Variants in PRKG1 observed in about 807,000 individuals in gnomAD.
PRKG1 encodes the protein protein kinase cGMP-dependent 1, also known as cGMP-dependent protein kinase 1.
PRKG1 carries 35 observed loss-of-function variants against 88.1 expected under a neutral mutation model. The ratio of observed to expected loss-of-function variants is 0.40; its 90% CI spans 0.30 to 0.53. The LOEUF (loss-of-function observed/expected upper bound fraction) is 0.53. Ranked by LOEUF, PRKG1 falls within the 20% of genes least tolerant of loss-of-function variation. The pLI is 0.59. For missense variants in PRKG1, 540 were observed against 839.8 expected, an observed-to-expected ratio of 0.64 and a Z score of 4.41; for synonymous variants, 303 against 292.5, an observed-to-expected ratio of 1.04 and a Z score of -0.37.
intron 1 of PRKG1, among the ~76,000 whole-genome samples, chr10:50,993,702 G>A (rs1426764930): frequency 1.3e-5 from 2 of 152,240 alleles, no homozygotes; most frequent in African/African-American, 4.8e-5. Flanking sequence ...TTTGCAGCAG[G>A]GAGGAGATTT....
chr10:51,911,763 A>G (rs2132956129), intron 5 of PRKG1, among the ~76,000 whole-genome samples: 2 of 152,328 alleles, frequency 1.3e-5, no homozygotes, highest in South Asian at 4.1e-4. Context: ...GCAATACTGA[A>G]GTCACATAAC....
At chr10:51,895,877 G>C (rs1442935441) in intron 4 of PRKG1, among the ~76,000 whole-genome samples, 1 of 152,026 alleles carries the variant, frequency 6.6e-6, no homozygotes, top group East Asian at 1.9e-4. Context: ...ATTGCCTAGA[G>C]AGGTTGACCT....
At chr10:51,001,046 G>A (rs1842883589) in intron 1 of PRKG1, among the ~76,000 whole-genome samples, 1 of 152,194 alleles carries the variant, frequency 6.6e-6, no homozygotes, top group South Asian at 2.1e-4. Context: ...TTGCTTTGAG[G>A]ATAAGTCATT....
At chr10:51,065,924 A>G (rs1413410194) in intron 1 of PRKG1, among the ~76,000 whole-genome samples, 1 of 152,108 alleles carries the variant, frequency 6.6e-6, no homozygotes, top group Non-Finnish European at 1.5e-5. Context: ...AGAAGGGAAA[A>G]CATTATGGGG....
intron 3 of PRKG1, among the ~76,000 whole-genome samples, chr10:51,717,737 C>T (rs1841919355): frequency 1.3e-5 from 2 of 151,552 alleles, no homozygotes; most frequent in South Asian, 4.2e-4. Flanking sequence ...GAGGCTGAGG[C>T]TGGAGAATGG....
chr10:51,181,224 ATTTTTTTTT>A (rs1223588085), intron 2 of PRKG1, among the ~76,000 whole-genome samples: 12 of 78,288 alleles, frequency 1.5e-4, no homozygotes, highest in South Asian at 5.1e-4. Flanking sequence ...ATTATATAGA[ATTTTTTTTT>A]TTTTTTTTTT....
intron 2 of PRKG1, among the ~76,000 whole-genome samples, chr10:51,277,863 T>C (rs1840170650): frequency 6.6e-6 from 1 of 152,198 alleles, no homozygotes; most frequent in South Asian, 2.1e-4. Context: ...GCTGAGATGA[T>C]GGGGTTTTCT....
chr10:51,578,063 G>A (rs1589100674), intron 3 of PRKG1, among the ~76,000 whole-genome samples: 1 of 152,064 alleles, frequency 6.6e-6, no homozygotes, highest in Non-Finnish European at 1.5e-5. Flanking sequence ...AGGCTTGTAA[G>A]TTGTAGTCTA....
intron 2 of PRKG1, among the ~76,000 whole-genome samples, chr10:51,179,573 T>A (rs1056462965): frequency 6.6e-6 from 1 of 152,194 alleles, no homozygotes; most frequent in African/African-American, 2.4e-5. Context: ...GGCTGAAAGT[T>A]TTTGATTTTA....
intron 1 of PRKG1, among the ~76,000 whole-genome samples, chr10:51,152,042 T>C (rs1846086482): frequency 6.6e-6 from 1 of 152,078 alleles, no homozygotes; most frequent in African/African-American, 2.4e-5. Flanking sequence ...GCTAAGTTCT[T>C]TGCTTTCATC....
At chr10:52,085,455 T>C (rs1846888702) in intron 7 of PRKG1, among the ~76,000 whole-genome samples, 1 of 152,268 alleles carries the variant, frequency 6.6e-6, no homozygotes, top group East Asian at 1.9e-4. Flanking sequence ...GGCTGATCAA[T>C]TACTTTGATT....
Position 51,605,524 on chromosome 10 carries a change from A to C in PRKG1, c.592+137688A>C, listed in dbSNP as rs537632190. On this transcript the variant is annotated intron_variant, in intron 3 of 17. Transcript: ENST00000373980. ...TACAAGAGTATATACACTGAATAGG[A>C]GGCAGAGAAACAAACATAATACTTT... Among the ~76,000 whole-genome samples the C allele has an allele frequency of 3.3e-5, 5 of 152,304 alleles. No homozygotes were observed. The South Asian group carries it at 1.0e-3, about 32-fold the overall frequency.
chr10:51,640,651 G>A (rs993112950), intron 3 of PRKG1, among the ~76,000 whole-genome samples: 5 of 152,044 alleles, frequency 3.3e-5, no homozygotes, highest in Non-Finnish European at 4.4e-5. Flanking sequence ...ACATTTTTAG[G>A]GTGTCTCTGG....
chr10:51,079,022 A>G (rs1051082956), intron 1 of PRKG1, among the ~76,000 whole-genome samples: 1 of 152,202 alleles, frequency 6.6e-6, no homozygotes, highest in Non-Finnish European at 1.5e-5. Flanking sequence ...ACTGTATATT[A>G]AATTCTGTTG....
intron 2 of PRKG1, among the ~76,000 whole-genome samples, chr10:51,396,849 C>T (rs1052104840): frequency 8.5e-5 from 13 of 152,106 alleles, no homozygotes; most frequent in Non-Finnish European, 1.8e-4. Flanking sequence ...CTGGGGTGAA[C>T]TGAGTGAAAC....
chr10:51,776,116 G>C (rs1309811486), intron 3 of PRKG1, among the ~76,000 whole-genome samples: 3 of 152,052 alleles, frequency 2.0e-5, no homozygotes. Flanking sequence ...AAACAACCTG[G>C]TAATGCTGGG....
intron 1 of PRKG1, among the ~76,000 whole-genome samples, chr10:51,053,449 C>G (rs564722178): frequency 1.2e-4 from 18 of 152,106 alleles, no homozygotes; most frequent in African/African-American, 4.3e-4. Context: ...ATGGTTGGCC[C>G]TTTTTAATGG....
intron 2 of PRKG1, among the ~76,000 whole-genome samples, chr10:51,411,673 C>G (rs1392623411): frequency 6.6e-6 from 1 of 152,214 alleles, no homozygotes; most frequent in Non-Finnish European, 1.5e-5. Context: ...TAACTTTGAT[C>G]TCTTTTCTGT....
chr10:51,164,916 G>A (rs952135015), intron 2 of PRKG1, among the ~76,000 whole-genome samples: 1 of 152,180 alleles, frequency 6.6e-6, no homozygotes, highest in African/African-American at 2.4e-5. Flanking sequence ...CCAAATCTAC[G>A]TCTGATTGGT....
Sources: gnomAD v4.1 joint callset for allele counts (sites outside exome capture counted in the v4.1 genomes callset) on GRCh38, gnomAD v4.1.1 for gene constraint, MANE v1.5 for transcripts, NCBI Gene and HGNC (gene_info 2026-07-23, HGNC 2026-07-21) for gene names.